RER1: variants seen among roughly 807,000 people sequenced by gnomAD.
The protein encoded by RER1 is retention in endoplasmic reticulum sorting receptor 1.
A neutral mutation model predicts 28.3 loss-of-function variants in RER1; 6 were observed. The ratio of observed to expected loss-of-function variants is 0.21; its 90% CI spans 0.12 to 0.42. RER1 has a LOEUF of 0.42. RER1 is among the 10% of genes least tolerant of loss of function. The pLI is 1.00. For missense variants in RER1, 159 were observed against 252.9 expected, an observed-to-expected ratio of 0.63 and a Z score of 2.52; for synonymous variants, 110 against 95.9, an observed-to-expected ratio of 1.15 and a Z score of -0.86.
At chr1:2,392,921 A>G (rs566848963) in intron 1 of RER1, among the ~76,000 whole-genome samples, 2 of 107,882 alleles carry the variant, frequency 1.9e-5, no homozygotes, top group South Asian at 3.1e-4. Context: ...AGAGGACTGA[A>G]CAACACCAGA....
chr1:2,400,748 C>T, intron 4 of RER1, 109 bp from the exon 5 acceptor site: 1 of 893,464 alleles, frequency 1.1e-6, no homozygotes, highest in South Asian at 1.4e-5. Flanking sequence ...TGACATGAAT[C>T]TCGGTTTAGA....
At chr1:2,401,067 G>A (rs1570082892) in intron 5 of RER1, 132 bp downstream of exon 5, 2 of 746,424 alleles carry the variant, frequency 2.7e-6, no homozygotes. Context: ...AATCGCAGGG[G>A]CTCTCTGTAG....
chr1:2,400,693 G>A (rs551358688), intron 4 of RER1, among the ~76,000 whole-genome samples, 164 bp from the exon 5 acceptor site: 1 of 152,328 alleles, frequency 6.6e-6, no homozygotes, highest in East Asian at 1.9e-4. Context: ...AATTGGATGT[G>A]TCAGTTGACC....
intron 1 of RER1, chr1:2,393,181 C>T (rs554546529): frequency 3.3e-5 from 5 of 152,120 alleles, no homozygotes; most frequent in South Asian, 2.1e-4. Context: ...CTGGTTTTAT[C>T]TCCCTTTCTG....
intron 3 of RER1, among the ~76,000 whole-genome samples, chr1:2,398,483 G>A (rs1642800415): frequency 6.6e-6 from 1 of 152,224 alleles, no homozygotes. Context: ...CCACCTCCTG[G>A]GTTCAAGTGA....
At chr1:2,396,567 C>A (rs1557901598) in intron 2 of RER1, among the ~76,000 whole-genome samples, 5 of 152,196 alleles carry the variant, frequency 3.3e-5, no homozygotes, top group Admixed American at 1.3e-4. Context: ...AAATAAAAAA[C>A]CATACATATG....
chr1:2,392,848 G>A (rs2100393398), intron 1 of RER1, among the ~76,000 whole-genome samples: 1 of 152,328 alleles, frequency 6.6e-6, no homozygotes, highest in Middle Eastern at 3.4e-3. Context: ...CAGAGGAGCG[G>A]GGAGCCCAGG....
At chr1:2,396,112 A>C (rs933110920) in intron 2 of RER1, 2 of 514,778 alleles carry the variant, frequency 3.9e-6, no homozygotes, top group African/African-American at 1.9e-5. Flanking sequence ...CCTTTTACCA[A>C]GCTTTAAAAA....
At chr1:2,394,894 C>T (rs763245083) in intron 1 of RER1, 1 of 152,270 alleles carries the variant, frequency 6.6e-6, no homozygotes, top group Admixed American at 6.5e-5. Context: ...AACCGGCAGG[C>T]CCTGGGTACT....
chr1:2,397,582 G>A (rs1416568195), intron 3 of RER1, among the ~76,000 whole-genome samples: 1 of 152,178 alleles, frequency 6.6e-6, no homozygotes, highest in African/African-American at 2.4e-5. Flanking sequence ...TGGGTGAAGA[G>A]TCCATGCCTT....
At chr1:2,395,096 C>T (rs192848728) in intron 1 of RER1, 1 of 152,592 alleles carries the variant, frequency 6.6e-6, no homozygotes, top group African/African-American at 2.4e-5. Context: ...TCATGATGCC[C>T]TTCACTTGAG....
At chr1:2,400,662 T>A (rs968291126) in intron 4 of RER1, among the ~76,000 whole-genome samples, 195 bp from the exon 5 acceptor site, 2 of 152,246 alleles carry the variant, frequency 1.3e-5, no homozygotes, top group African/African-American at 4.8e-5. Flanking sequence ...AACATTCTGA[T>A]AGCACCTTCT....
intron 1 of RER1, 22 bp from the exon 2 acceptor site, chr1:2,395,762 G>A (rs1342019652): frequency 1.3e-6 from 2 of 1,555,216 alleles, no homozygotes; most frequent in Admixed American, 1.7e-5. Context: ...TTACTGAAAA[G>A]TATTTTGTGT....
intron 2 of RER1, among the ~76,000 whole-genome samples, chr1:2,396,597 A>G (rs954573586): frequency 6.6e-6 from 1 of 152,280 alleles, no homozygotes; most frequent in South Asian, 2.1e-4. Context: ...AAAAATAAAT[A>G]CATAAAACTA....
Position 2,402,248 on chromosome 1 carries a change from C to T in RER1, c.407C>T (p.Thr136Ile). ...GGCATCCTTGTGGCTATGGTCTGTA[C>T]TTTCTTCGACGCTTTCAACGTCCCG... is the stretch of plus-strand genomic sequence containing the variant. ...TKGILVAMVC[T>I]FFDAFNVPVF... Residue 136 changes from threonine to isoleucine, a missense_variant, in exon 6 of 7, where the codon ACT becomes ATT. Coordinates refer to ENST00000605895, the MANE Select transcript of RER1 (RefSeq NM_007033.5). The T allele has an allele frequency of 1.9e-6, 3 of 1,614,238 alleles. No individual in the cohort carries two copies. The highest frequency in any genetic ancestry group is 2.5e-6 in the Non-Finnish European group (3 of 1,180,040).
chr1:2,400,459 G>A (rs1642829218), intron 4 of RER1, among the ~76,000 whole-genome samples: 1 of 152,256 alleles, frequency 6.6e-6, no homozygotes, highest in African/African-American at 2.4e-5. Context: ...TGGCACAGCT[G>A]CTGGTGGGAC....
intron 1 of RER1, among the ~76,000 whole-genome samples, chr1:2,392,593 C>T (rs996940140): frequency 3.3e-5 from 5 of 152,234 alleles, no homozygotes; most frequent in African/African-American, 7.2e-5. Flanking sequence ...CTGCTTTCAG[C>T]CTAAGTACCT....
intron 3 of RER1, among the ~76,000 whole-genome samples, chr1:2,399,203 G>A (rs865794176): frequency 2.3e-4 from 35 of 152,188 alleles, no homozygotes; most frequent in Admixed American, 1.4e-3. Context: ...TTGCTTGTCC[G>A]CTTTGTCTCT....
In RER1 at chr1:2,405,343, C is replaced by G; in HGVS notation, c.*2219C>G. 1 of 338,338 alleles carries G rather than the reference C, an allele frequency of 3.0e-6. No homozygotes were observed. Among genetic ancestry groups the G allele is most frequent in the South Asian group, 2.4e-5 (1 of 42,254 alleles). The allele number at this position is 338,338 out of a possible 1,614,324, so 21.0% of individuals were successfully genotyped here. ...ACCCGCCAGCCTCCGTGCCCCACCC[C>G]ACCCAGCACGCACTCATTCAGTCCA... On this transcript the variant is annotated 3_prime_UTR_variant, in exon 7 of 7. Coordinates refer to ENST00000605895, the MANE Select transcript of RER1 (RefSeq NM_007033.5).
Sources: allele counts gnomAD v4.1 joint callset (sites outside exome capture counted in the v4.1 genomes callset), GRCh38; gene constraint gnomAD v4.1.1; transcripts MANE v1.5; gene names NCBI Gene and HGNC (gene_info 2026-07-23, HGNC 2026-07-21).